Variants in ATP9B observed in about 807,000 individuals in gnomAD.
ATP9B encodes probable phospholipid-transporting ATPase IIB.
Under a neutral mutation model 146.1 loss-of-function variants are expected in ATP9B, and 110 were observed. That is an observed-to-expected ratio of 0.75 (90% CI 0.65 to 0.88). The LOEUF is 0.88. Ranked by LOEUF, ATP9B falls within the 40% of genes least tolerant of loss-of-function variation. ATP9B has a pLI of 0.00. For missense variants in ATP9B, 1,499 were observed against 1,496.4 expected (o/e 1.00, Z -0.03); for synonymous variants, 604 against 569.7 (o/e 1.06, Z -0.86).
intron 1 of ATP9B, among the ~76,000 whole-genome samples, chr18:79,079,351 A>G (rs187380661): frequency 1.3e-5 from 2 of 152,282 alleles, no homozygotes; most frequent in East Asian, 1.9e-4. Context: ...AGTGATTACC[A>G]TTCTAACTGG....
intron 12 of ATP9B, among the ~76,000 whole-genome samples, chr18:79,260,035 A>G (rs574672152): frequency 2.0e-5 from 3 of 152,282 alleles, no homozygotes; most frequent in Admixed American, 2.0e-4. Flanking sequence ...GAAAGCATTC[A>G]CCAAGGGTGT....
intron 9 of ATP9B, among the ~76,000 whole-genome samples, chr18:79,206,514 C>T (rs575102440): frequency 3.3e-5 from 5 of 152,082 alleles, no homozygotes; most frequent in Admixed American, 2.0e-4. Context: ...TAGTTGAATA[C>T]GCTAGGCATG....
At chr18:79,151,854 T>C (rs2094695562) in intron 6 of ATP9B, among the ~76,000 whole-genome samples, 1 of 152,182 alleles carries the variant, frequency 6.6e-6, no homozygotes, top group African/African-American at 2.4e-5. Context: ...GTATTTCTTC[T>C]GTTGCTATCC....
chr18:79,124,259 A>T (rs1005226080), intron 4 of ATP9B, among the ~76,000 whole-genome samples: 3 of 152,222 alleles, frequency 2.0e-5, no homozygotes, highest in Non-Finnish European at 4.4e-5. Flanking sequence ...AAATTAGATG[A>T]TGGTGACGGT....
intron 1 of ATP9B, among the ~76,000 whole-genome samples, chr18:79,083,974 T>A (rs1181951155): frequency 6.6e-6 from 1 of 151,472 alleles, no homozygotes; most frequent in Non-Finnish European, 1.5e-5. Context: ...CTCCCCTACC[T>A]TAGCCTCCCA....
chr18:79,122,706 T>G (rs911073624), intron 4 of ATP9B, among the ~76,000 whole-genome samples: 1 of 152,202 alleles, frequency 6.6e-6, no homozygotes, highest in Non-Finnish European at 1.5e-5. Flanking sequence ...TTTGGGGATA[T>G]CTGCTGCTTT....
chr18:79,236,638 C>T lies in ATP9B; in HGVS notation c.1108-16743C>T, dbSNP rs915529327. 2.2e-4 allele frequency among the ~76,000 whole-genome samples: 34 copies of T among 152,186 alleles called. 1 individual carries two copies. The highest frequency in any genetic ancestry group is 2.0e-3 in the Admixed American group (31 of 15,280). ...TAGGGACCCAGTTTTCTGTTTTTCC[C>T]CTATGTGGATTTCCAGTTGACCCAG... On this transcript the variant is annotated intron_variant, in intron 11 of 29. Coordinates refer to ENST00000426216, the MANE Select transcript of ATP9B (RefSeq NM_198531.5).
At chr18:79,215,984 C>T (rs928883784) in intron 11 of ATP9B, among the ~76,000 whole-genome samples, 2 of 152,092 alleles carry the variant, frequency 1.3e-5, no homozygotes, top group East Asian at 3.9e-4. Context: ...GCCACCGCAC[C>T]CGACCACAAA....
chr18:79,323,164 A>G (rs2096725351), intron 15 of ATP9B, among the ~76,000 whole-genome samples: 2 of 149,194 alleles, frequency 1.3e-5, no homozygotes, highest in Admixed American at 6.6e-5. Flanking sequence ...TCGCGTTAGT[A>G]ATCCTCCGTT....
intron 7 of ATP9B, among the ~76,000 whole-genome samples, chr18:79,172,198 C>G (rs1396730817): frequency 1.3e-5 from 2 of 149,302 alleles, no homozygotes; most frequent in African/African-American, 5.1e-5. Flanking sequence ...CAGGCCTAGC[C>G]ACCGTGCCCC....
At chr18:79,141,319 C>A (rs190702563) in intron 5 of ATP9B, among the ~76,000 whole-genome samples, 1 of 152,302 alleles carries the variant, frequency 6.6e-6, no homozygotes, top group East Asian at 1.9e-4. Context: ...GTTATGCTGA[C>A]CTGTGAGGCA....
chr18:79,356,825 GT>G (rs2096956990), intron 25 of ATP9B, among the ~76,000 whole-genome samples: 2 of 77,656 alleles, frequency 2.6e-5, no homozygotes, highest in African/African-American at 7.4e-5. Flanking sequence ...GGAGGTGTCT[GT>G]GTGAGGGATG....
intron 15 of ATP9B, among the ~76,000 whole-genome samples, chr18:79,326,418 TCCC>T: frequency 1.4e-5 from 2 of 140,684 alleles, no homozygotes; most frequent in African/African-American, 2.7e-5. Context: ...CTCTGTACCC[TCCC>T]TCCCCTCACA....
chr18:79,320,002 G>C (rs2096706272), intron 15 of ATP9B, among the ~76,000 whole-genome samples: 1 of 152,336 alleles, frequency 6.6e-6, no homozygotes, highest in Middle Eastern at 3.4e-3. Context: ...AGATTGCTCT[G>C]CAGCAGCCCT....
intron 11 of ATP9B, among the ~76,000 whole-genome samples, chr18:79,229,016 A>G (rs1250072461): frequency 1.3e-5 from 2 of 152,176 alleles, no homozygotes; most frequent in Admixed American, 6.5e-5. Context: ...GGGCGACAGT[A>G]TAAGACCCTG....
chr18:79,252,714 A>G lies in ATP9B; in HGVS notation c.1108-667A>G, dbSNP rs73973035. On this transcript the variant is annotated intron_variant, in intron 11 of 29. Coordinates refer to ENST00000426216, the MANE Select transcript of ATP9B (RefSeq NM_198531.5). ...TAAACGATCCATAGAATGGACTTGCATGTAGCGTGCCTTACTGGGAGAACA... is the reference window on the plus strand; with the variant it reads ...TAAACGATCCATAGAATGGACTTGCGTGTAGCGTGCCTTACTGGGAGAACA... Among the ~76,000 whole-genome samples, 1,108 of 152,176 alleles carry G rather than the reference A, an allele frequency of 7.3e-3. 12 individuals are homozygous for G. The highest frequency in any genetic ancestry group is 0.017 in the African/African-American group (699 of 41,518).
chr18:79,093,101 T>C (rs1263853163), intron 1 of ATP9B, among the ~76,000 whole-genome samples: 1 of 152,184 alleles, frequency 6.6e-6, no homozygotes, highest in Non-Finnish European at 1.5e-5. Context: ...TGTCACTAGG[T>C]GTTAGGAATT....
chr18:79,264,084 C>CA (rs1325042380), intron 12 of ATP9B, among the ~76,000 whole-genome samples: 2 of 150,106 alleles, frequency 1.3e-5, no homozygotes, highest in Non-Finnish European at 3.0e-5. Context: ...GACTCTGTCT[C>CA]AAAAAAAAGA....
intron 8 of ATP9B, among the ~76,000 whole-genome samples, chr18:79,184,820 ATCC>A (rs2095289895): frequency 6.6e-6 from 1 of 152,186 alleles, no homozygotes; most frequent in Non-Finnish European, 1.5e-5. Flanking sequence ...CACCCTCTGC[ATCC>A]TCCTCCTGAA....
Sources: allele counts gnomAD v4.1 joint callset (sites outside exome capture counted in the v4.1 genomes callset), GRCh38; gene constraint gnomAD v4.1.1; transcripts MANE v1.5; gene names NCBI Gene and HGNC (gene_info 2026-07-23, HGNC 2026-07-21).